The following FIG4 variants were observed in gnomAD, a reference collection of about 807,000 sequenced individuals.
FIG4 encodes polyphosphoinositide phosphatase.
FIG4 carries 112 observed loss-of-function variants against 118.6 expected under a neutral mutation model. That is an observed-to-expected ratio of 0.94 (90% CI 0.81 to 1.11). FIG4 has a LOEUF of 1.11. Among genes scored for constraint, FIG4 ranks in the 50% least tolerant of loss-of-function variants. The pLI, the probability that FIG4 is intolerant of heterozygous loss-of-function variation, is 0.00. For missense variants in FIG4, 969 were observed against 1,111.7 expected, an observed-to-expected ratio of 0.87 and a Z score of 1.83; for synonymous variants, 369 against 381.2, an observed-to-expected ratio of 0.97 and a Z score of 0.37.
intron 1 of FIG4, among the ~76,000 whole-genome samples, chr6:109,709,751 G>T (rs1311018493): frequency 6.6e-6 from 1 of 151,992 alleles, no homozygotes; most frequent in Non-Finnish European, 1.5e-5. Flanking sequence ...CCCTGATTTG[G>T]CTCTTAGTTT....
intron 22 of FIG4, among the ~76,000 whole-genome samples, chr6:109,800,281 T>C (rs915986700): frequency 2.0e-5 from 3 of 152,212 alleles, no homozygotes; most frequent in African/African-American, 7.2e-5. Flanking sequence ...ATTTTGGGCA[T>C]CTGACATGAC....
At position 109,691,509 on chromosome 6, in the gene FIG4, C is replaced by T. The variant is rs768404941; in HGVS notation, c.66+8C>T. ...CTGTATGAGACTAGAGCTGTGAGTA[C>T]CCCCTCGCGGCGGGGCGCAGGCGGG... On this transcript the variant is annotated splice_region_variant and intron_variant, in intron 1 of 22. Transcript: ENST00000230124. The T allele has an allele frequency of 5.2e-5, 82 of 1,570,100 alleles. No individual in the cohort carries two copies. The highest frequency in any genetic ancestry group is 6.8e-5 in the African/African-American group (5 of 73,754).
At position 109,776,649 on chromosome 6, in the gene FIG4, G is replaced by A. The variant is rs1300771736; in HGVS notation, c.1751-273G>A. 2.0e-5 allele frequency among the ~76,000 whole-genome samples: 3 copies of A among 152,280 alleles called. No homozygotes were observed. The East Asian group carries it at 5.8e-4, about 29-fold the overall frequency. ...ATTTACTATCTGAGTTCTTAAAGATGTTTAAGTGTCTCCAAATTCAACAAG... is the reference window on the plus strand; with the variant it reads ...ATTTACTATCTGAGTTCTTAAAGATATTTAAGTGTCTCCAAATTCAACAAG... On this transcript the variant is annotated intron_variant, in intron 15 of 22. Coordinates refer to ENST00000230124, the MANE Select transcript of FIG4 (RefSeq NM_014845.6).
chr6:109,820,163 C>T (rs1246701559), intron 22 of FIG4, among the ~76,000 whole-genome samples: 1 of 152,200 alleles, frequency 6.6e-6, no homozygotes, highest in Non-Finnish European at 1.5e-5. Context: ...CTGGGGAGGT[C>T]ATTCCAGCAG....
At chr6:109,774,000 C>CAG (rs1413226898) in intron 15 of FIG4, among the ~76,000 whole-genome samples, 3 of 152,102 alleles carry the variant, frequency 2.0e-5, no homozygotes, top group Non-Finnish European at 4.4e-5. Flanking sequence ...TTTGTAGAGA[C>CAG]AGAATCTCCC....
At position 109,786,342 on chromosome 6, in the gene FIG4, A is replaced by C; in HGVS notation, c.1989A>C (p.Lys663Asn). 6.2e-7 allele frequency: 1 copy of C among 1,613,620 alleles called. No homozygotes were observed. The highest frequency in any genetic ancestry group is 8.5e-7 in the Non-Finnish European group (1 of 1,179,528). ...ACTTAAAGAAGTTGATAGTGAAGAA[A>C]TTCCACAAATATGAAGAAGAGATTG... Reference protein sequence around the residue: ...AVNLKKLIVKKFHKYEEEIDI... With the variant: ...AVNLKKLIVKNFHKYEEEIDI... Residue 663 changes from lysine to asparagine, a missense_variant, in exon 18 of 23, where the codon AAA (lysine) becomes AAC (asparagine). Physicochemically the swap from Lys to Asn is moderately conservative, Grantham distance 94. Around this residue, in one of 3 missense-constraint regions of FIG4, gnomAD observed 330 missense variants for 348.1 expected, o/e 0.95. Transcript: ENST00000230124.
chr6:109,759,161 G>A (rs907143775), intron 10 of FIG4, among the ~76,000 whole-genome samples: 1 of 152,166 alleles, frequency 6.6e-6, no homozygotes, highest in African/African-American at 2.4e-5. Context: ...GTTTATTGCA[G>A]CACTATTCAC....
chr6:109,798,292 G>A (rs1267835524), intron 22 of FIG4, among the ~76,000 whole-genome samples: 1 of 152,088 alleles, frequency 6.6e-6, no homozygotes, highest in Non-Finnish European at 1.5e-5. Context: ...GGAACAAGAG[G>A]GTGTTATTAA....
At chr6:109,771,461 CTTTTTTTTTT>C (rs71018367) in intron 15 of FIG4, among the ~76,000 whole-genome samples, 20 of 86,026 alleles carry the variant, frequency 2.3e-4, no homozygotes, top group African/African-American at 9.6e-4. Context: ...TCCTCTAATT[CTTTTTTTTTT>C]TTTTTTTTTT....
chr6:109,697,252 ACT>A (rs1262429722), intron 1 of FIG4, among the ~76,000 whole-genome samples: 4 of 143,274 alleles, frequency 2.8e-5, no homozygotes, highest in African/African-American at 7.9e-5. Flanking sequence ...ACAGAGTGAG[ACT>A]CTGTCTCAAA....
intron 16 of FIG4, among the ~76,000 whole-genome samples, chr6:109,778,877 G>T (rs1203259842): frequency 6.6e-6 from 1 of 152,180 alleles, no homozygotes; most frequent in East Asian, 1.9e-4. Context: ...GGGATTACAG[G>T]CGTGAGCCAC....
At chr6:109,735,565 CT>C (rs773421755) in intron 6 of FIG4, among the ~76,000 whole-genome samples, 2 of 152,054 alleles carry the variant, frequency 1.3e-5, no homozygotes, top group Non-Finnish European at 2.9e-5. Context: ...ACATTCAAGC[CT>C]AGACTTTTAC....
At chr6:109,814,955 C>A (rs946624205) in intron 22 of FIG4, among the ~76,000 whole-genome samples, 1 of 152,066 alleles carries the variant, frequency 6.6e-6, no homozygotes, top group Non-Finnish European at 1.5e-5. Context: ...TTTATGTGTA[C>A]ATGTACATAT....
chr6:109,824,478 C>T (rs923662783), intron 22 of FIG4, among the ~76,000 whole-genome samples: 4 of 152,196 alleles, frequency 2.6e-5, no homozygotes, highest in African/African-American at 9.6e-5. Context: ...ATTTTGCAAG[C>T]AAGGTAACTT....
rs1232790698 is a variant in FIG4, at chr6:109,727,099, T to A, written c.290-10T>A. On this transcript the variant is annotated splice_polypyrimidine_tract_variant and intron_variant, in intron 3 of 22. Coordinates refer to ENST00000230124, the MANE Select transcript of FIG4 (RefSeq NM_014845.6). ...ATAAAGCATATTTCTCTTTATTTTTTGTTGCATAGGTTTTGTCAGGTTCTT... is the reference window on the plus strand; with the variant it reads ...ATAAAGCATATTTCTCTTTATTTTTAGTTGCATAGGTTTTGTCAGGTTCTT... The A allele has an allele frequency of 4.4e-6, 7 of 1,599,850 alleles. No individual in the cohort carries two copies. The South Asian group carries it at 7.7e-5, about 18-fold the overall frequency.
Position 109,762,114 on chromosome 6 carries a change from G to A in FIG4, c.1295G>A (p.Arg432Gln), listed in dbSNP as rs1777125989. Residue 432 changes from arginine (R) to glutamine (Q), a missense_variant, in exon 12 of 23, where the codon CGA (arginine) becomes CAA (glutamine). Transcript: ENST00000230124. ...TKSKLCNVLD[R>Q]LNVIAESVVK... ...AGCAAGCTGTGTAATGTTCTTGATC[G>A]ACTAAATGTGATTGCAGAAAGTGTG... 2.5e-6 allele frequency: 4 copies of A among 1,611,804 alleles called. No homozygotes were observed. The highest frequency in any genetic ancestry group is 2.5e-6 in the Non-Finnish European group (3 of 1,178,208).
At chr6:109,740,578 C>T (rs1272919700) in intron 7 of FIG4, among the ~76,000 whole-genome samples, 1 of 152,082 alleles carries the variant, frequency 6.6e-6, no homozygotes. Context: ...TTAAGCAGTT[C>T]ACAATAAATT....
intron 22 of FIG4, among the ~76,000 whole-genome samples, chr6:109,800,682 A>C (rs1023930776): frequency 1.3e-5 from 2 of 152,158 alleles, no homozygotes; most frequent in African/African-American, 4.8e-5. Flanking sequence ...GGCCTGGTTG[A>C]GGCCCCATGA....
chr6:109,814,941 C>G (rs1778819557), intron 22 of FIG4, among the ~76,000 whole-genome samples: 1 of 152,046 alleles, frequency 6.6e-6, no homozygotes, highest in African/African-American at 2.4e-5. Context: ...AAAACATTCA[C>G]AAATTTATGT....
Sources: allele counts gnomAD v4.1 joint callset (sites outside exome capture counted in the v4.1 genomes callset), GRCh38; gene constraint gnomAD v4.1.1; regional missense constraint gnomAD v4.1.1; transcripts MANE v1.5; gene names NCBI Gene and HGNC (gene_info 2026-07-23, HGNC 2026-07-21).